Variants in DYM observed in about 807,000 individuals in gnomAD.
The protein encoded by DYM is dyggve-Melchior-Clausen syndrome protein.
DYM carries 78 observed loss-of-function variants against 93.1 expected under a neutral mutation model. The observed-to-expected ratio is 0.84, with a 90% CI of 0.70 to 1.01. The LOEUF (loss-of-function observed/expected upper bound fraction) is 1.01, where lower values mean the gene tolerates loss of function less well. DYM is among the 50% of genes least tolerant of loss of function. The pLI is 0.00. For synonymous variants in DYM, 321 were observed against 319.7 expected (o/e 1.00, Z -0.04); for missense variants, 789 against 845.0 (o/e 0.93, Z 0.82).
At chr18:49,094,122 A>C (rs1211195013) in intron 17 of DYM, among the ~76,000 whole-genome samples, 1 of 152,234 alleles carries the variant, frequency 6.6e-6, no homozygotes, top group Non-Finnish European at 1.5e-5. Flanking sequence ...CCTAGTTTTC[A>C]AACACTAAAT....
At chr18:49,116,725 C>T (rs1302858497) in intron 16 of DYM, among the ~76,000 whole-genome samples, 1 of 152,196 alleles carries the variant, frequency 6.6e-6, no homozygotes, top group Non-Finnish European at 1.5e-5. Context: ...TTTGCATTAT[C>T]ATCTTCTATC....
At position 49,444,782 on chromosome 18, in the gene DYM, A is replaced by G. The variant is rs562086351; in HGVS notation, c.-53-14335T>C. Among the ~76,000 whole-genome samples, 24 of 152,344 alleles carry G rather than the reference A, an allele frequency of 1.6e-4. No homozygotes were observed. In the East Asian group the frequency reaches 1.9e-3, roughly 12 times the overall value. On this transcript the variant is annotated intron_variant, in intron 1 of 17. Coordinates refer to ENST00000675505, the MANE Select transcript of DYM (RefSeq NM_001353214.3). ...ACGTTAAGTATCAAGAAAAGAGTCT[A>G]AAAGAATTCTGTAAATGTCGTCCAA...
intron 14 of DYM, among the ~76,000 whole-genome samples, chr18:49,180,930 C>CTCTG (rs2089867355): frequency 6.6e-6 from 1 of 152,162 alleles, no homozygotes; most frequent in African/African-American, 2.4e-5. Context: ...GGACTGTGGG[C>CTCTG]TCTGCATTGC....
intron 8 of DYM, among the ~76,000 whole-genome samples, chr18:49,302,846 G>T (rs1324179123): frequency 1.3e-5 from 2 of 152,168 alleles, no homozygotes; most frequent in African/African-American, 4.8e-5. Flanking sequence ...TCAACCACCA[G>T]GCCATGCCTC....
chr18:49,186,614 C>A (rs1215821162), intron 14 of DYM, among the ~76,000 whole-genome samples: 1 of 152,194 alleles, frequency 6.6e-6, no homozygotes. Flanking sequence ...TGGACTGAAT[C>A]CATCAGGCCA....
chr18:49,413,170 G>A (rs1227397783), intron 2 of DYM: 2 of 152,314 alleles, frequency 1.3e-5, no homozygotes, highest in Non-Finnish European at 2.9e-5. Context: ...AGGAGACAGT[G>A]TGGCATGATG....
chr18:49,320,219 A>G (rs1371932671), intron 8 of DYM, among the ~76,000 whole-genome samples: 1 of 152,184 alleles, frequency 6.6e-6, no homozygotes, highest in Non-Finnish European at 1.5e-5. Flanking sequence ...GAAATTTACA[A>G]CAGTAATTCA....
chr18:49,271,623 T>C (rs11082745), intron 11 of DYM, among the ~76,000 whole-genome samples: 12,128 of 152,018 alleles, frequency 0.08, 768 homozygotes, highest in East Asian at 0.31. Flanking sequence ...ATTAAAACCT[T>C]GTACTTCTAT....
chr18:49,104,323 G>A (rs928212342), intron 16 of DYM, among the ~76,000 whole-genome samples: 24 of 152,214 alleles, frequency 1.6e-4, no homozygotes, highest in Non-Finnish European at 2.4e-4. Flanking sequence ...CTGAGATGAC[G>A]GGGTTTTCTA....
chr18:49,253,595 C>G (rs372831448), intron 13 of DYM, among the ~76,000 whole-genome samples: 1 of 152,162 alleles, frequency 6.6e-6, no homozygotes, highest in Non-Finnish European at 1.5e-5. Context: ...ACCTACACTC[C>G]GCACTTCCAA....
At chr18:49,114,471 G>A in intron 16 of DYM, 1 of 844,196 alleles carries the variant, frequency 1.2e-6, no homozygotes, top group Non-Finnish European at 1.4e-6. Flanking sequence ...TTAACATCCT[G>A]CTTTTACTTC....
At chr18:49,355,576 T>A (rs76197401) in intron 6 of DYM, among the ~76,000 whole-genome samples, 12,840 of 152,184 alleles carry the variant, frequency 0.084, 665 homozygotes, top group East Asian at 0.18. Context: ...GTAAACTATA[T>A]TTGGGTGATA....
chr18:49,049,883 AG>A (rs1319423028), intron 17 of DYM: 1 of 154,152 alleles, frequency 6.5e-6, no homozygotes, highest in African/African-American at 2.4e-5. Flanking sequence ...ACCAGACACA[AG>A]TGCTGACAAA....
At position 49,257,105 on chromosome 18, in the gene DYM, C is replaced by T; in HGVS notation, c.1366-1G>A. On this transcript the variant is annotated splice_acceptor_variant, in intron 12 of 17. Transcript: ENST00000675505. LOFTEE classifies it high-confidence loss of function. ...AACAATTTGTGTGAAGGTACTTGTCCTGTGAGGAAACAGCGGGTGTAAAAC... is the reference window on the plus strand; with the variant it reads ...AACAATTTGTGTGAAGGTACTTGTCTTGTGAGGAAACAGCGGGTGTAAAAC... The T allele has an allele frequency of 3.1e-6, 5 of 1,612,570 alleles. No homozygotes were observed. Among genetic ancestry groups the T allele is most frequent in the Non-Finnish European group, 4.2e-6 (5 of 1,178,624 alleles).
At chr18:49,312,983 G>A (rs1255433923) in intron 8 of DYM, among the ~76,000 whole-genome samples, 1 of 152,150 alleles carries the variant, frequency 6.6e-6, no homozygotes, top group African/African-American at 2.4e-5. Context: ...TTATGTACAT[G>A]CACTTGTAAT....
chr18:49,281,580 T>G (rs192146194), intron 10 of DYM, among the ~76,000 whole-genome samples: 5 of 152,258 alleles, frequency 3.3e-5, no homozygotes, highest in Admixed American at 6.5e-5. Context: ...TAGACTGGAT[T>G]AAGAAAATGT....
In DYM at chr18:49,452,780, G is replaced by A. The variant is rs1395159823; in HGVS notation, c.-54+7618C>T. Among the ~76,000 whole-genome samples the A allele has an allele frequency of 3.7e-5, 5 of 135,714 alleles. 1 individual carries two copies. Among genetic ancestry groups the A allele is most frequent in the African/African-American group, 1.4e-4 (5 of 34,848 alleles). The allele number at this position is 135,714 out of a possible 152,430, so 89.0% of individuals were successfully genotyped here. ...GGACTGGCAGGCAGCTCTGCCTGCG[G>A]CCCTGGTGCAGGATCCACCAGGTGA... On this transcript the variant is annotated intron_variant, in intron 1 of 17. Coordinates refer to ENST00000675505, the MANE Select transcript of DYM (RefSeq NM_001353214.3).
intron 1 of DYM, among the ~76,000 whole-genome samples, chr18:49,441,146 TA>T (rs373355840): frequency 2.1e-3 from 4 of 1,882 alleles, no homozygotes; most frequent in Non-Finnish European, 4.2e-3. Context: ...ATATATTATA[TA>T]ATATAATATA....
intron 8 of DYM, among the ~76,000 whole-genome samples, chr18:49,308,517 G>A (rs565482126): frequency 6.6e-6 from 1 of 152,164 alleles, no homozygotes; most frequent in Non-Finnish European, 1.5e-5. Context: ...CCGTCTACTA[G>A]TTGTGCACCT....
Sources: allele counts gnomAD v4.1 joint callset (sites outside exome capture counted in the v4.1 genomes callset), GRCh38; gene constraint gnomAD v4.1.1; transcripts MANE v1.5; gene names NCBI Gene and HGNC (gene_info 2026-07-23, HGNC 2026-07-21).